STARD13: variants seen among roughly 807,000 people sequenced by gnomAD.
The protein encoded by STARD13 is stAR-related lipid transfer protein 13.
A neutral mutation model predicts 106.4 loss-of-function variants in STARD13; 62 were observed. The ratio of observed to expected loss-of-function variants is 0.58; its 90% CI spans 0.48 to 0.72. STARD13 has a LOEUF of 0.72. Ranked by LOEUF, STARD13 falls within the 30% of genes least tolerant of loss-of-function variation. The probability of loss-of-function intolerance (pLI) is 0.00; values close to 1 mark genes in which losing one functional copy is unlikely to be tolerated. For missense variants in STARD13, 1,387 were observed against 1,424.0 expected (o/e 0.97, Z 0.42); for synonymous variants, 565 against 553.0 (o/e 1.02, Z -0.31).
the STARD13 span, among the ~76,000 whole-genome samples, chr13:33,616,205 A>AAGGAG: frequency 2.0e-5 from 3 of 148,712 alleles, no homozygotes; most frequent in African/African-American, 7.4e-5. Context: ...AGGGAGGGAA[A>AAGGAG]AGGAGAGGAG....
In STARD13 at chr13:33,129,028, T is replaced by A. The variant is rs754134590; in HGVS notation, c.1649A>T (p.Asp550Val). ...SVSEGRTTPS[D>V]VERDVTSLNE... ...AAGAGATGTTACATCTCTTTCCACA[T>A]CACTGGGTGTCGTCCGACCTTCTGA... is the stretch of plus-strand genomic sequence containing the variant. Residue 550 changes from aspartate to valine, a missense_variant, in exon 5 of 14, where the codon GAT (aspartate) becomes GTT (valine). Asp to Val is a radical substitution (Grantham distance 152). Transcript: ENST00000336934. The A allele has an allele frequency of 2.5e-6, 4 of 1,614,116 alleles. No homozygotes were observed. The highest frequency in any genetic ancestry group is 3.4e-6 in the Non-Finnish European group (4 of 1,180,026).
the STARD13 span, among the ~76,000 whole-genome samples, chr13:33,486,701 T>A: frequency 6.6e-6 from 1 of 152,166 alleles, no homozygotes; most frequent in Non-Finnish European, 1.5e-5. Context: ...CTTTGCCTCA[T>A]CACAGCCATT....
upstream of STARD13, among the ~76,000 whole-genome samples, chr13:33,287,775 T>C (rs1018047011): frequency 2.0e-5 from 3 of 152,060 alleles, no homozygotes; most frequent in African/African-American, 7.2e-5. Flanking sequence ...TAACTTTTTG[T>C]TCAAGGCAGA....
chr13:33,660,546 G>A, the STARD13 span, among the ~76,000 whole-genome samples: 1 of 152,170 alleles, frequency 6.6e-6, no homozygotes, highest in South Asian at 2.1e-4. Context: ...TACTGTCAGG[G>A]AGGTAGGACA....
At chr13:33,434,370 A>AAAAAAAAAAC in the STARD13 span, among the ~76,000 whole-genome samples, 1 of 151,062 alleles carries the variant, frequency 6.6e-6, no homozygotes, top group African/African-American at 2.4e-5. Flanking sequence ...AAAAAAAAAA[A>AAAAAAAAAAC]AAAGAAAGAA....
At chr13:33,596,766 A>C in the STARD13 span, among the ~76,000 whole-genome samples, 1 of 152,170 alleles carries the variant, frequency 6.6e-6, no homozygotes, top group African/African-American at 2.4e-5. Flanking sequence ...AAGCTCCCAC[A>C]TATGAGTGAG....
chr13:33,390,735 C>T, the STARD13 span, among the ~76,000 whole-genome samples: 1 of 152,110 alleles, frequency 6.6e-6, no homozygotes, highest in Admixed American at 6.5e-5. Context: ...CAGGCTTTAT[C>T]TCTGGTGAAT....
chr13:33,325,763 G>A (rs1249893712), intron 1 of STARD13, among the ~76,000 whole-genome samples: 1 of 152,072 alleles, frequency 6.6e-6, no homozygotes, highest in Non-Finnish European at 1.5e-5. Flanking sequence ...GGGAGGCCGA[G>A]GCGGACGGAT....
the STARD13 span, among the ~76,000 whole-genome samples, chr13:33,498,011 A>T: frequency 6.6e-6 from 1 of 152,350 alleles, no homozygotes; most frequent in South Asian, 2.1e-4. Flanking sequence ...TTACTAGCAT[A>T]ACATAATCTA....
At chr13:33,227,477 A>C (rs1212069344) in intron 1 of STARD13, among the ~76,000 whole-genome samples, 1 of 152,196 alleles carries the variant, frequency 6.6e-6, no homozygotes, top group African/African-American at 2.4e-5. Flanking sequence ...TCTTAGGGAA[A>C]AGAGACAGTC....
chr13:33,594,022 T>C, the STARD13 span, among the ~76,000 whole-genome samples: 2 of 152,204 alleles, frequency 1.3e-5, no homozygotes, highest in African/African-American at 4.8e-5. Context: ...TTCTCCTGCC[T>C]CAGCCTCCCA....
At chr13:33,383,776 A>G in the STARD13 span, 4 of 151,712 alleles carry the variant, frequency 2.6e-5, no homozygotes, top group African/African-American at 7.3e-5. Flanking sequence ...AAAAAAAAAA[A>G]AAAAAAGAAA....
At chr13:33,442,051 CT>C in the STARD13 span, among the ~76,000 whole-genome samples, 1 of 152,164 alleles carries the variant, frequency 6.6e-6, no homozygotes, top group Non-Finnish European at 1.5e-5. Flanking sequence ...TATTTAATGA[CT>C]ATTTGACCTG....
At chr13:33,365,520 G>T in the STARD13 span, among the ~76,000 whole-genome samples, 29 of 152,138 alleles carry the variant, frequency 1.9e-4, no homozygotes, top group Non-Finnish European at 3.5e-4. Flanking sequence ...AGGTAAGGCG[G>T]GTAGCAAGAC....
At chr13:33,339,647 A>G (rs2077937057) in intron 1 of STARD13, among the ~76,000 whole-genome samples, 1 of 152,256 alleles carries the variant, frequency 6.6e-6, no homozygotes, top group East Asian at 1.9e-4. Context: ...CTTAGCACAA[A>G]GCCTCTCTTC....
chr13:33,535,991 T>G, the STARD13 span, among the ~76,000 whole-genome samples: 8 of 152,316 alleles, frequency 5.3e-5, no homozygotes, highest in East Asian at 1.5e-3. Context: ...GTCCTCATCA[T>G]GATCTGGAAT....
At chr13:33,488,714 AT>A in the STARD13 span, among the ~76,000 whole-genome samples, 1 of 152,188 alleles carries the variant, frequency 6.6e-6, no homozygotes, top group Non-Finnish European at 1.5e-5. Context: ...CTAAGCTGGA[AT>A]ATCCTTTCTT....
At chr13:33,470,828 T>A in the STARD13 span, among the ~76,000 whole-genome samples, 1 of 152,230 alleles carries the variant, frequency 6.6e-6, no homozygotes, top group Admixed American at 6.5e-5. Flanking sequence ...ATACTAGCCC[T>A]TTGTCGGATG....
chr13:33,534,467 A>G, the STARD13 span, among the ~76,000 whole-genome samples: 1 of 152,210 alleles, frequency 6.6e-6, no homozygotes, highest in Non-Finnish European at 1.5e-5. Context: ...AATGTAATTC[A>G]ACAGGTAGAC....
Sources: allele counts gnomAD v4.1 joint callset (sites outside exome capture counted in the v4.1 genomes callset), GRCh38; gene constraint gnomAD v4.1.1; transcripts MANE v1.5; gene names NCBI Gene and HGNC (gene_info 2026-07-23, HGNC 2026-07-21).